The following RIMS1 variants were observed in gnomAD, a reference collection of about 807,000 sequenced individuals.
The protein encoded by RIMS1 is regulating synaptic membrane exocytosis 1.
RIMS1 carries 83 observed loss-of-function variants against 214.1 expected under a neutral mutation model. That is an observed-to-expected ratio of 0.39 (90% CI 0.32 to 0.47). The LOEUF is 0.47. RIMS1 is among the 20% of genes least tolerant of loss of function. RIMS1 has a pLI of 0.99. For synonymous variants in RIMS1, 793 were observed against 786.8 expected (o/e 1.01, Z -0.13); for missense variants, 2,050 against 2,161.8 (o/e 0.95, Z 1.03).
chr6:72,092,291 C>CCCTCCCTCCCTTCCTTCCTTCCTTCCTT (rs745668426), intron 2 of RIMS1, among the ~76,000 whole-genome samples: 56 of 108,000 alleles, frequency 5.2e-4, no homozygotes, highest in South Asian at 1.8e-3. Flanking sequence ...CTCCCTCCCT[C>CCCTCCCTCCCTTCCTTCCTTCCTTCCTT]CCTTCCTTCC....
intron 23 of RIMS1, among the ~76,000 whole-genome samples, chr6:72,278,410 T>TA: frequency 6.6e-6 from 1 of 152,222 alleles, no homozygotes; most frequent in Admixed American, 6.5e-5. Flanking sequence ...TGGTAGCAGC[T>TA]ACTTGTCTAT....
At chr6:72,367,583 C>A (rs1331989363) in intron 29 of RIMS1, among the ~76,000 whole-genome samples, 2 of 152,082 alleles carry the variant, frequency 1.3e-5, no homozygotes, top group African/African-American at 4.8e-5. Context: ...TAATTTATTT[C>A]TAGAATCATT....
At chr6:71,988,801 T>A (rs955602583) in intron 2 of RIMS1, among the ~76,000 whole-genome samples, 3 of 152,230 alleles carry the variant, frequency 2.0e-5, no homozygotes, top group Non-Finnish European at 4.4e-5. Context: ...ATTATTTTTT[T>A]ATTTTTTATT....
chr6:72,235,400 A>G (rs141102100), intron 7 of RIMS1, among the ~76,000 whole-genome samples: 4 of 152,026 alleles, frequency 2.6e-5, no homozygotes, highest in African/African-American at 9.6e-5. Context: ...ACTTTGTACT[A>G]CTACAACATC....
chr6:72,381,107 G>A (rs777265553), intron 29 of RIMS1, among the ~76,000 whole-genome samples: 15 of 152,280 alleles, frequency 9.9e-5, no homozygotes, highest in East Asian at 5.8e-4. Flanking sequence ...GCTCATGATC[G>A]ATGTGTCAGC....
intron 2 of RIMS1, among the ~76,000 whole-genome samples, chr6:72,027,085 A>G (rs1026424051): frequency 2.6e-5 from 4 of 152,208 alleles, no homozygotes; most frequent in African/African-American, 9.6e-5. Flanking sequence ...GTACTAATAT[A>G]TTAATATTGG....
intron 4 of RIMS1, among the ~76,000 whole-genome samples, chr6:72,173,427 A>T (rs1399293049): frequency 1.3e-5 from 2 of 150,326 alleles, no homozygotes; most frequent in African/African-American, 4.9e-5. Flanking sequence ...CTTTTTTTCT[A>T]GAACTTTTAT....
At chr6:72,294,275 A>T (rs1185705889) in intron 26 of RIMS1, among the ~76,000 whole-genome samples, 1 of 151,706 alleles carries the variant, frequency 6.6e-6, no homozygotes, top group African/African-American at 2.4e-5. Flanking sequence ...GATTGATTTC[A>T]TTGTTGTTCT....
intron 22 of RIMS1, among the ~76,000 whole-genome samples, chr6:72,272,775 A>G (rs2084081588): frequency 6.6e-6 from 1 of 152,180 alleles, no homozygotes; most frequent in Non-Finnish European, 1.5e-5. Flanking sequence ...AAATAACACC[A>G]AAAGTTTTAA....
intron 10 of RIMS1, 88 bp from the exon 11 acceptor site, chr6:72,245,727 A>T: frequency 9.9e-7 from 1 of 1,014,532 alleles, no homozygotes; most frequent in Non-Finnish European, 1.5e-6. Flanking sequence ...ACCCAGCAGG[A>T]TTTTTCACAT....
intron 23 of RIMS1, among the ~76,000 whole-genome samples, chr6:72,283,031 C>T (rs2090915224): frequency 6.6e-6 from 1 of 151,662 alleles, no homozygotes; most frequent in South Asian, 2.1e-4. Flanking sequence ...GTTCCTAGTG[C>T]CTAGCAGAAC....
chr6:72,072,954 A>G lies in RIMS1; in HGVS notation c.246-23995A>G, dbSNP rs535303031. 1.6e-4 allele frequency among the ~76,000 whole-genome samples: 25 copies of G among 152,274 alleles called. No homozygotes were observed. In the South Asian group the frequency reaches 5.0e-3, roughly 30 times the overall value. ...ATGCAGAGCAGAATGTAAGCCAAACATATTTTTTTGTTATTCCCTGGTTCT... is the reference window on the plus strand; with the variant it reads ...ATGCAGAGCAGAATGTAAGCCAAACGTATTTTTTTGTTATTCCCTGGTTCT... On this transcript the variant is annotated intron_variant, in intron 2 of 33. Transcript: ENST00000521978.
chr6:72,120,939 G>A (rs1021284253), intron 4 of RIMS1, among the ~76,000 whole-genome samples: 4 of 151,808 alleles, frequency 2.6e-5, no homozygotes, highest in African/African-American at 9.7e-5. Context: ...TTTTTGTTAA[G>A]TTTGTCAAAG....
At chr6:72,011,548 C>A (rs1810606677) in intron 2 of RIMS1, among the ~76,000 whole-genome samples, 1 of 152,064 alleles carries the variant, frequency 6.6e-6, no homozygotes, top group Non-Finnish European at 1.5e-5. Context: ...AGGCAACCTA[C>A]AAAATCGGAG....
Position 71,964,224 on chromosome 6 carries a change from G to T in RIMS1, c.165-4759G>T, listed in dbSNP as rs182491324. Among the ~76,000 whole-genome samples, 952 of 152,240 alleles carry T rather than the reference G, an allele frequency of 6.3e-3. 7 individuals are homozygous for T. Among genetic ancestry groups the T allele is most frequent in the Admixed American group, 0.021 (319 of 15,278 alleles). ...AAGAGCATTCCACACAGCAGGAAAG[G>T]TTGGTGCAGAGATTTCAAGGCAGGA... On this transcript the variant is annotated intron_variant, in intron 1 of 33. Coordinates refer to ENST00000521978, the MANE Select transcript of RIMS1 (RefSeq NM_014989.7).
At chr6:72,086,393 A>G (rs1834663491) in intron 2 of RIMS1, among the ~76,000 whole-genome samples, 1 of 152,212 alleles carries the variant, frequency 6.6e-6, no homozygotes, top group South Asian at 2.1e-4. Context: ...AGTTCAAGCT[A>G]TGAAAGGAAG....
intron 4 of RIMS1, among the ~76,000 whole-genome samples, chr6:72,140,177 C>A (rs1036715847): frequency 2.0e-5 from 3 of 152,000 alleles, no homozygotes; most frequent in Non-Finnish European, 4.4e-5. Flanking sequence ...TTATTGTGAC[C>A]TTTTTTATTT....
intron 6 of RIMS1, among the ~76,000 whole-genome samples, chr6:72,212,272 T>G (rs2053952494): frequency 6.6e-6 from 1 of 151,442 alleles, no homozygotes; most frequent in South Asian, 2.1e-4. Flanking sequence ...TCTTCATATT[T>G]CAGAAATGTG....
At chr6:72,308,728 T>C (rs1262370084) in intron 27 of RIMS1, among the ~76,000 whole-genome samples, 1 of 152,150 alleles carries the variant, frequency 6.6e-6, no homozygotes, top group African/African-American at 2.4e-5. Flanking sequence ...TCACTGTGAT[T>C]CAGTGATGCT....
Sources: allele counts gnomAD v4.1 joint callset (sites outside exome capture counted in the v4.1 genomes callset), GRCh38; gene constraint gnomAD v4.1.1; transcripts MANE v1.5; gene names NCBI Gene and HGNC (gene_info 2026-07-23, HGNC 2026-07-21).